COLQ: variants seen among roughly 807,000 people sequenced by gnomAD.
COLQ encodes collagen like tail subunit of asymmetric acetylcholinesterase.
COLQ carries 48 observed loss-of-function variants against 69.0 expected under a neutral mutation model. The observed-to-expected ratio is 0.70, with a 90% confidence interval of 0.55 to 0.88. COLQ has a LOEUF of 0.88. Among genes scored for constraint, COLQ ranks in the 40% least tolerant of loss-of-function variants. The pLI, the probability that COLQ is intolerant of heterozygous loss-of-function variation, is 0.00. For synonymous variants in COLQ, 217 were observed against 211.2 expected (o/e 1.03, Z -0.24); for missense variants, 618 against 594.6 (o/e 1.04, Z -0.41).
Position 15,474,018 on chromosome 3 carries a change from A to G in COLQ, c.618T>C (p.Pro206=). Residue 206 remains proline, a synonymous_variant, in exon 10 of 17, where the codon CCT becomes CCC. Transcript: ENST00000383788. ...PKGEKGFPGF[P]GMLGQKGEMG... is the part of the protein sequence containing the mutation. ...TACTTACTTTCTGCCCCAACATTCC[A>G]GGAAATCCTGGGAAACCCTGTGAAA... is the stretch of plus-strand genomic sequence containing the variant. The G allele has an allele frequency of 6.2e-7, 1 of 1,614,182 alleles. No homozygotes were observed. The highest frequency in any genetic ancestry group is 1.1e-5 in the South Asian group (1 of 91,086).
chr3:15,503,243 G>C (rs1413111470), intron 1 of COLQ, among the ~76,000 whole-genome samples: 1 of 152,172 alleles, frequency 6.6e-6, no homozygotes, highest in Non-Finnish European at 1.5e-5. Context: ...TCTCTGAGTT[G>C]AGACTGTGTG....
chr3:15,491,997 G>T (rs1379679833), intron 1 of COLQ, among the ~76,000 whole-genome samples: 1 of 151,806 alleles, frequency 6.6e-6, no homozygotes, highest in African/African-American at 2.4e-5. Context: ...GATGGAGGTT[G>T]CAGTGAGCTG....
At chr3:15,477,318 C>G in intron 5 of COLQ, 121 bp from the exon 6 acceptor site, 1 of 825,832 alleles carries the variant, frequency 1.2e-6, no homozygotes, top group South Asian at 1.5e-5. Context: ...TACTATGACC[C>G]TCATCCCCAC....
Position 15,469,410 on chromosome 3 carries a change from T to C in COLQ, c.717+1126A>G, listed in dbSNP as rs113566909. On this transcript the variant is annotated intron_variant, in intron 11 of 16. Coordinates refer to ENST00000383788, the MANE Select transcript of COLQ (RefSeq NM_005677.4). Reference sequence around the variant, plus strand: ...AGAAAAGATTTCTCCCCCATATTTTTCCTTTTTTATCTGAGCCTACTTTTA... The same window carrying C: ...AGAAAAGATTTCTCCCCCATATTTTCCCTTTTTTATCTGAGCCTACTTTTA... Among the ~76,000 whole-genome samples, 1,052 of 152,314 alleles carry C rather than the reference T, an allele frequency of 6.9e-3. 11 individuals are homozygous for C. Among genetic ancestry groups the C allele is most frequent in the African/African-American group, 0.024 (988 of 41,560 alleles).
intron 3 of COLQ, among the ~76,000 whole-genome samples, chr3:15,481,966 CTT>C (rs2062492782): frequency 1.3e-5 from 2 of 152,130 alleles, no homozygotes; most frequent in African/African-American, 4.8e-5. Context: ...ATTTTATTCT[CTT>C]TGAAGCAATT....
intron 12 of COLQ, among the ~76,000 whole-genome samples, chr3:15,459,010 A>G (rs1337924946): frequency 1.3e-5 from 2 of 151,798 alleles, no homozygotes; most frequent in Non-Finnish European, 2.9e-5. Flanking sequence ...CACCAGGCTA[A>G]TTTTTGTATT....
At chr3:15,486,878 A>T (rs934976248) in intron 3 of COLQ, among the ~76,000 whole-genome samples, 1 of 152,210 alleles carries the variant, frequency 6.6e-6, no homozygotes, top group Non-Finnish European at 1.5e-5. Flanking sequence ...TACATTGTCA[A>T]TATCTTAGGC....
intron 1 of COLQ, among the ~76,000 whole-genome samples, chr3:15,503,151 T>C (rs1331461099): frequency 6.6e-6 from 1 of 152,080 alleles, no homozygotes; most frequent in Non-Finnish European, 1.5e-5. Context: ...TCCTCACTGC[T>C]CTAGTCTGGT....
chr3:15,462,487 G>T (rs1282417213), intron 12 of COLQ, among the ~76,000 whole-genome samples: 2 of 151,462 alleles, frequency 1.3e-5, no homozygotes, highest in African/African-American at 4.9e-5. Flanking sequence ...GGACGGAATG[G>T]GGGGCGGGGG....
chr3:15,458,528 T>C (rs1367045152), intron 12 of COLQ, among the ~76,000 whole-genome samples: 9 of 152,218 alleles, frequency 5.9e-5, no homozygotes, highest in African/African-American at 2.2e-4. Flanking sequence ...AGGCGATAGT[T>C]TCCCCCTCCT....
intron 1 of COLQ, chr3:15,496,158 A>AG (rs1575488495): frequency 6.6e-6 from 1 of 152,574 alleles, no homozygotes; most frequent in East Asian, 1.9e-4. Flanking sequence ...TTCAGTGACC[A>AG]CAAATTATCA....
At position 15,461,189 on chromosome 3, in the gene COLQ, T is replaced by TC. The variant is rs112293633; in HGVS notation, c.815-2865dup. Among the ~76,000 whole-genome samples, 353 of 144,174 alleles carry TC rather than the reference T, an allele frequency of 2.4e-3. 7 individuals are homozygous for TC. The highest frequency in any genetic ancestry group is 6.2e-3 in the African/African-American group (236 of 37,838). 94.6% of individuals were successfully genotyped at this position (144,174 alleles called of 152,430 possible). The stretch of plus-strand genomic sequence containing the variant: ...CATCCTAAAGGCATTTTGCCTTTAT[T>TC]CCCCCCCCGACCTCTTAGCCCCTCT... On this transcript the variant is annotated intron_variant, in intron 12 of 16. Transcript: ENST00000383788.
chr3:15,515,667 G>A (rs76905334), intron 1 of COLQ, among the ~76,000 whole-genome samples: 3 of 152,226 alleles, frequency 2.0e-5, no homozygotes, highest in African/African-American at 4.8e-5. Context: ...TTAACTGGGC[G>A]TGGTGGTGGG....
intron 1 of COLQ, among the ~76,000 whole-genome samples, chr3:15,490,186 G>A (rs1213770517): frequency 6.6e-6 from 1 of 152,108 alleles, no homozygotes; most frequent in African/African-American, 2.4e-5. Context: ...TCAATATATG[G>A]GTAGCCTAAT....
intron 12 of COLQ, among the ~76,000 whole-genome samples, chr3:15,458,892 G>A (rs1244493203): frequency 6.7e-6 from 1 of 150,030 alleles, no homozygotes; most frequent in Admixed American, 6.6e-5. Flanking sequence ...TGCCCAGGCT[G>A]GAGTGCAGTG....
At chr3:15,493,829 A>G (rs945084443) in intron 1 of COLQ, among the ~76,000 whole-genome samples, 2 of 152,238 alleles carry the variant, frequency 1.3e-5, no homozygotes, top group African/African-American at 4.8e-5. Flanking sequence ...CACGCCTGTA[A>G]TCCCAACACT....
chr3:15,457,758 G>A (rs1022852425), intron 13 of COLQ, among the ~76,000 whole-genome samples: 155 of 151,962 alleles, frequency 1.0e-3, no homozygotes, highest in African/African-American at 3.6e-3. Context: ...GACAACAGGC[G>A]TGCACCACCG....
chr3:15,492,501 C>T (rs766701467), intron 1 of COLQ, among the ~76,000 whole-genome samples: 2 of 152,094 alleles, frequency 1.3e-5, no homozygotes, highest in Non-Finnish European at 2.9e-5. Context: ...CCCGTCTCTA[C>T]TAAAAATACA....
chr3:15,491,178 C>G (rs1406297590), intron 1 of COLQ, among the ~76,000 whole-genome samples: 1 of 151,092 alleles, frequency 6.6e-6, no homozygotes, highest in South Asian at 2.1e-4. Context: ...CTTGAAATGG[C>G]CCTAAAAAAA....
Sources: gnomAD v4.1 joint callset for allele counts (sites outside exome capture counted in the v4.1 genomes callset) on GRCh38, gnomAD v4.1.1 for gene constraint, MANE v1.5 for transcripts, NCBI Gene and HGNC (gene_info 2026-07-23, HGNC 2026-07-21) for gene names.